Variants in WDTC1 observed in about 807,000 individuals in gnomAD.
WDTC1 encodes WD and tetratricopeptide repeats 1.
Under a neutral mutation model 76.0 loss-of-function variants are expected in WDTC1, and 12 were observed. The observed-to-expected ratio is 0.16, with a 90% CI of 0.10 to 0.26. The LOEUF is 0.26. Ranked by LOEUF, WDTC1 falls within the 10% of genes least tolerant of loss-of-function variation. The probability of loss-of-function intolerance (pLI) is 1.00; values close to 1 mark genes in which losing one functional copy is unlikely to be tolerated. For synonymous variants in WDTC1, 326 were observed against 350.8 expected, an observed-to-expected ratio of 0.93 and a Z score of 0.79; for missense variants, 511 against 908.8, an observed-to-expected ratio of 0.56 and a Z score of 5.63.
Position 27,301,841 on chromosome 1 carries a change from T to C in WDTC1, c.1468+380T>C, listed in dbSNP as rs1293999292. ...GCATCTGAGAGGCAGAAGCTGGTCA[T>C]TGTGTTTGTTCCGAGTGTACAAGTG... is the stretch of plus-strand genomic sequence containing the variant. On this transcript the variant is annotated intron_variant, in intron 13 of 15. Transcript: ENST00000319394. This position sits in a 1 kb window ranked among gnomAD's most constrained non-coding sequence, Gnocchi z 5.8. Among the ~76,000 whole-genome samples, 1 of 152,114 alleles carries C rather than the reference T, an allele frequency of 6.6e-6. No homozygotes were observed. The highest frequency in any genetic ancestry group is 1.5e-5 in the Non-Finnish European group (1 of 68,004).
chr1:27,280,917 T>C (rs1269001575), intron 3 of WDTC1, among the ~76,000 whole-genome samples: 1 of 152,220 alleles, frequency 6.6e-6, no homozygotes, highest in African/African-American at 2.4e-5. Context: ...TTCCTGTTTT[T>C]TTCTGGGTTT....
At chr1:27,294,165 T>G in intron 8 of WDTC1, 49 bp downstream of exon 8, 2 of 1,586,110 alleles carry the variant, frequency 1.3e-6, no homozygotes, top group Non-Finnish European at 1.7e-6. Context: ...AGATGCTGAC[T>G]CTTTTGGGGG....
intron 6 of WDTC1, among the ~76,000 whole-genome samples, chr1:27,291,569 T>G (rs1180973600): frequency 6.6e-6 from 1 of 152,224 alleles, no homozygotes; most frequent in Non-Finnish European, 1.5e-5. Flanking sequence ...TTTCCCCGTC[T>G]GGAGCGGTGG....
At chr1:27,261,775 G>A (rs1357815491) in intron 2 of WDTC1, among the ~76,000 whole-genome samples, 3 of 152,030 alleles carry the variant, frequency 2.0e-5, no homozygotes, top group African/African-American at 7.2e-5. Flanking sequence ...ACTAACTATA[G>A]GTCTTTAGTC....
chr1:27,275,016 T>C (rs2012981979), intron 3 of WDTC1, among the ~76,000 whole-genome samples: 2 of 152,342 alleles, frequency 1.3e-5, no homozygotes, highest in Admixed American at 6.5e-5. Context: ...GCAGAGTTCA[T>C]ATCCTTTCCA....
intron 1 of WDTC1, among the ~76,000 whole-genome samples, chr1:27,251,681 G>C (rs922886770): frequency 1.3e-5 from 2 of 152,098 alleles, no homozygotes; most frequent in African/African-American, 4.8e-5. Context: ...TAATTAGCTG[G>C]GAATGGTGGT....
chr1:27,272,698 A>G (rs1409720849), intron 3 of WDTC1, among the ~76,000 whole-genome samples: 2 of 152,112 alleles, frequency 1.3e-5, no homozygotes, highest in Non-Finnish European at 2.9e-5. Flanking sequence ...GTATAGCTTG[A>G]GGCCAGGAGT....
intron 6 of WDTC1, among the ~76,000 whole-genome samples, chr1:27,288,489 A>G (rs1433089980): frequency 2.0e-5 from 3 of 151,784 alleles, no homozygotes; most frequent in Non-Finnish European, 4.4e-5. Context: ...TAGGCAGAGG[A>G]CCCTGCGGCC....
intron 3 of WDTC1, among the ~76,000 whole-genome samples, chr1:27,269,221 G>C (rs2012777830): frequency 7.4e-6 from 1 of 134,760 alleles, no homozygotes; most frequent in African/African-American, 2.8e-5. Flanking sequence ...CATGCCTATA[G>C]TCCCCAGCTA....
At chr1:27,248,152 C>T (rs1467154940) in intron 1 of WDTC1, among the ~76,000 whole-genome samples, 1 of 152,154 alleles carries the variant, frequency 6.6e-6, no homozygotes, top group African/African-American at 2.4e-5. Flanking sequence ...ATTTATATTC[C>T]TTTGGGTATA....
chr1:27,294,687 G>A, intron 9 of WDTC1, 58 bp downstream of exon 9: 2 of 1,476,938 alleles, frequency 1.4e-6, no homozygotes, highest in Non-Finnish European at 1.9e-6. Context: ...GCAGCCAGGG[G>A]CATGTACCTT....
intron 6 of WDTC1, among the ~76,000 whole-genome samples, chr1:27,288,251 C>T (rs969076051): frequency 6.6e-6 from 1 of 152,176 alleles, no homozygotes; most frequent in Non-Finnish European, 1.5e-5. Context: ...CTCTGACCAT[C>T]CTGTCTAAAG....
At chr1:27,268,873 C>A (rs1474625874) in intron 3 of WDTC1, among the ~76,000 whole-genome samples, 1 of 150,204 alleles carries the variant, frequency 6.7e-6, no homozygotes, top group Non-Finnish European at 1.5e-5. Context: ...CGCCACCACA[C>A]CCAGCTAATT....
chr1:27,246,418 C>T (rs1356137844), intron 1 of WDTC1, among the ~76,000 whole-genome samples: 2 of 152,146 alleles, frequency 1.3e-5, no homozygotes, highest in Admixed American at 1.3e-4. Flanking sequence ...CTTTTTATGG[C>T]TGCATAATAT....
At chr1:27,261,168 A>T in intron 2 of WDTC1, 66 bp downstream of exon 2, 1 of 1,595,798 alleles carries the variant, frequency 6.3e-7, no homozygotes, top group Non-Finnish European at 8.6e-7. Context: ...GATTTTACAG[A>T]TGAAAAAACT....
At chr1:27,281,678 T>G (rs2013195551) in intron 3 of WDTC1, among the ~76,000 whole-genome samples, 1 of 152,088 alleles carries the variant, frequency 6.6e-6, no homozygotes, top group African/African-American at 2.4e-5. Context: ...AACCTCCACC[T>G]CCCAGGCTCA....
At chr1:27,277,953 G>T (rs2147954704) in intron 3 of WDTC1, among the ~76,000 whole-genome samples, 1 of 152,222 alleles carries the variant, frequency 6.6e-6, no homozygotes, top group African/African-American at 2.4e-5. Context: ...CGATTCTCCT[G>T]CCTCAGCCTC....
chr1:27,266,129 G>T lies in WDTC1; in HGVS notation c.132+2894G>T, dbSNP rs74317890. 4.5e-3 allele frequency among the ~76,000 whole-genome samples: 691 copies of T among 152,188 alleles called. 19 individuals carry two copies. The highest frequency in any genetic ancestry group is 0.039 in the Admixed American group (595 of 15,266). On this transcript the variant is annotated intron_variant, in intron 3 of 15. Transcript: ENST00000319394. ...ATGGGATGCCTGAATAATATTGCCTGGGGGAAAAGCAGGAGGAGCAAGAAA... is the reference window on the plus strand; with the variant it reads ...ATGGGATGCCTGAATAATATTGCCTTGGGGAAAAGCAGGAGGAGCAAGAAA...
Position 27,303,958 on chromosome 1 carries a change from C to T in WDTC1, c.1643+163C>T, listed in dbSNP as rs1485259669. 1 of 942,054 alleles carries T rather than the reference C, an allele frequency of 1.1e-6. No homozygotes were observed. The highest frequency in any genetic ancestry group is 2.9e-5 in the East Asian group (1 of 34,154). 58.4% of individuals were successfully genotyped at this position (942,054 alleles called of 1,614,324 possible). ...TTGTCAGCCTCTAAAGTTTTTTAAT[C>T]TATGAAATGACCAACCTGCCATGCC... On this transcript the variant is annotated intron_variant, in intron 14 of 15. Coordinates refer to ENST00000319394, the MANE Select transcript of WDTC1 (RefSeq NM_001276252.2). This position sits in a 1 kb window ranked among gnomAD's most constrained non-coding sequence, Gnocchi z 4.8.
Sources: allele counts gnomAD v4.1 joint callset (sites outside exome capture counted in the v4.1 genomes callset), GRCh38; gene constraint gnomAD v4.1.1; non-coding constraint Gnocchi (gnomAD v3.1); transcripts MANE v1.5; gene names NCBI Gene and HGNC (gene_info 2026-07-23, HGNC 2026-07-21).